TMC1: variants seen among roughly 807,000 people sequenced by gnomAD.
The protein encoded by TMC1 is transmembrane channel like 1, also known as transmembrane channel-like protein 1.
In TMC1, 84 loss-of-function variants were observed where a neutral mutation model predicts 105.8. The observed-to-expected ratio is 0.79, with a 90% CI of 0.67 to 0.95. The LOEUF is 0.95. TMC1 is among the 40% of genes least tolerant of loss of function. TMC1 has a pLI of 0.00. For missense variants in TMC1, 817 were observed against 914.1 expected (o/e 0.89, Z 1.37); for synonymous variants, 315 against 311.5 (o/e 1.01, Z -0.12).
intron 18 of TMC1, among the ~76,000 whole-genome samples, chr9:72,805,904 C>G (rs1447204317): frequency 6.6e-6 from 1 of 152,218 alleles, no homozygotes; most frequent in African/African-American, 2.4e-5. Flanking sequence ...AAGAAGTTTT[C>G]TTAGTACAGA....
intron 2 of TMC1, among the ~76,000 whole-genome samples, chr9:72,596,539 T>TAAAAAAAAAAAAAAAAAAAAAA: frequency 9.8e-6 from 1 of 102,276 alleles, no homozygotes; most frequent in Non-Finnish European, 1.9e-5. Context: ...GTTTCAATTG[T>TAAAAAAAAAAAAAAAAAAAAAA]AAAAAAAAAA....
intron 1 of TMC1, among the ~76,000 whole-genome samples, chr9:72,545,030 T>C (rs1037633446): frequency 5.3e-5 from 8 of 152,078 alleles, no homozygotes; most frequent in Admixed American, 2.0e-4. Flanking sequence ...AGTGAGAACA[T>C]ACAATATTTG....
At chr9:72,774,103 C>T (rs1311858880) in intron 13 of TMC1, among the ~76,000 whole-genome samples, 1 of 152,094 alleles carries the variant, frequency 6.6e-6, no homozygotes, top group East Asian at 1.9e-4. Context: ...AAAAAGCCAG[C>T]ATGGTAGGAG....
intron 8 of TMC1, among the ~76,000 whole-genome samples, chr9:72,720,923 A>G (rs1827012255): frequency 6.6e-6 from 1 of 152,222 alleles, no homozygotes; most frequent in African/African-American, 2.4e-5. Context: ...CCTATGCATC[A>G]TATGTACATG....
intron 1 of TMC1, among the ~76,000 whole-genome samples, chr9:72,525,134 G>T (rs1823384125): frequency 6.6e-6 from 1 of 152,186 alleles, no homozygotes; most frequent in South Asian, 2.1e-4. Context: ...GTATCCAGGT[G>T]TCCAAATATA....
At chr9:72,779,012 G>A (rs939127177) in intron 13 of TMC1, among the ~76,000 whole-genome samples, 7 of 152,172 alleles carry the variant, frequency 4.6e-5, no homozygotes, top group African/African-American at 9.7e-5. Context: ...CCACTGCCCC[G>A]ACAAAGCACT....
chr9:72,779,913 A>G (rs1298002909), intron 13 of TMC1, among the ~76,000 whole-genome samples: 1 of 152,072 alleles, frequency 6.6e-6, no homozygotes, highest in Non-Finnish European at 1.5e-5. Context: ...AATTCAGAGA[A>G]CCCCTGCAAG....
In TMC1 at chr9:72,826,881, A is replaced by G. The variant is rs745353027; in HGVS notation, c.2016A>G (p.Arg672=). 3 of 1,614,014 alleles carry G rather than the reference A, an allele frequency of 1.9e-6. No individual in the cohort carries two copies. Among genetic ancestry groups the G allele is most frequent in the Non-Finnish European group, 2.5e-6 (3 of 1,179,906 alleles). ...FDCGPFSGKN[R]MFEVIGETLE... ...TTAATTCCCCCAGTGGCAAAAATAG[A>G]ATGTTTGAAGTCATTGGAGAGACCC... is the stretch of plus-strand genomic sequence containing the variant. The change falls in exon 21 of 24, where the codon AGA becomes AGG. Residue 672 remains arginine (R), a synonymous_variant. Coordinates refer to ENST00000297784, the MANE Select transcript of TMC1 (RefSeq NM_138691.3).
intron 12 of TMC1, among the ~76,000 whole-genome samples, chr9:72,764,804 A>T (rs1047095097): frequency 2.2e-4 from 33 of 152,226 alleles, no homozygotes; most frequent in Non-Finnish European, 4.3e-4. Context: ...TGTTGGGAAT[A>T]CAAAGACAAC....
Position 72,767,116 on chromosome 9 carries a change from A to ATGC in TMC1, c.742-5295_742-5293dup, listed in dbSNP as rs1399013893. On this transcript the variant is annotated intron_variant, in intron 12 of 23. Coordinates refer to ENST00000297784, the MANE Select transcript of TMC1 (RefSeq NM_138691.3). ...TCATCCACACTTGAAACCTTCGTTCATGCTAAGGTGTAAATAACCAGCAAC... is the reference window on the plus strand; with the variant it reads ...TCATCCACACTTGAAACCTTCGTTCATGCTGCTAAGGTGTAAATAACCAGCAAC... 2.0e-5 allele frequency among the ~76,000 whole-genome samples: 3 copies of ATGC among 152,226 alleles called. No individual in the cohort carries two copies. The East Asian group carries it at 5.8e-4, about 29-fold the overall frequency.
intron 20 of TMC1, among the ~76,000 whole-genome samples, chr9:72,826,559 A>G (rs1464432929): frequency 6.6e-6 from 1 of 152,254 alleles, no homozygotes; most frequent in African/African-American, 2.4e-5. Context: ...AGGCAGACTT[A>G]TGAGCTATTT....
intron 13 of TMC1, among the ~76,000 whole-genome samples, chr9:72,774,853 C>T (rs1362380496): frequency 1.3e-5 from 2 of 152,136 alleles, no homozygotes; most frequent in African/African-American, 4.8e-5. Context: ...ACTCCTATCC[C>T]AGTCAAATAT....
At chr9:72,683,499 G>A (rs919702714) in intron 5 of TMC1, among the ~76,000 whole-genome samples, 4 of 150,364 alleles carry the variant, frequency 2.7e-5, no homozygotes, top group Non-Finnish European at 5.9e-5. Context: ...TCATAAGAAT[G>A]CTGCCTTTTA....
intron 12 of TMC1, among the ~76,000 whole-genome samples, chr9:72,769,620 C>T (rs761723805): frequency 1.3e-5 from 2 of 152,162 alleles, no homozygotes; most frequent in Non-Finnish European, 2.9e-5. Context: ...TGGAAGGGAA[C>T]GTCAAGAGTT....
chr9:72,819,666 C>T (rs1828838671), intron 19 of TMC1, among the ~76,000 whole-genome samples: 1 of 152,090 alleles, frequency 6.6e-6, no homozygotes, highest in African/African-American at 2.4e-5. Context: ...GGCAAAAGTT[C>T]AATTATAGTG....
intron 5 of TMC1, among the ~76,000 whole-genome samples, chr9:72,657,687 T>C (rs1047358190): frequency 6.6e-6 from 1 of 152,150 alleles, no homozygotes; most frequent in African/African-American, 2.4e-5. Context: ...TCGGAAAAGA[T>C]AGATGAAATT....
chr9:72,561,297 G>A (rs749825480), intron 1 of TMC1, among the ~76,000 whole-genome samples: 11 of 141,220 alleles, frequency 7.8e-5, no homozygotes, highest in Non-Finnish European at 1.2e-4. Flanking sequence ...CAGCCTGGGC[G>A]GCAGAGCGAG....
chr9:72,651,213 T>C (rs1239202344), intron 5 of TMC1: 1 of 151,732 alleles, frequency 6.6e-6, no homozygotes, highest in Non-Finnish European at 1.5e-5. Flanking sequence ...CTTGTTGAAA[T>C]ACTCTGCACA....
At chr9:72,678,712 T>C (rs1403485977) in intron 5 of TMC1, among the ~76,000 whole-genome samples, 2 of 152,108 alleles carry the variant, frequency 1.3e-5, no homozygotes, top group Admixed American at 1.3e-4. Context: ...ATAAAGTCAT[T>C]AGTTTCACTC....
Sources: allele counts gnomAD v4.1 joint callset (sites outside exome capture counted in the v4.1 genomes callset), GRCh38; gene constraint gnomAD v4.1.1; transcripts MANE v1.5; gene names NCBI Gene and HGNC (gene_info 2026-07-23, HGNC 2026-07-21).